The following LMF1 variants were observed in gnomAD, a reference collection of about 807,000 sequenced individuals.
LMF1 encodes the protein transmembrane protein 112.
LMF1 carries 68 observed loss-of-function variants against 60.6 expected under a neutral mutation model. The ratio of observed to expected loss-of-function variants is 1.12; its 90% CI spans 0.92 to 1.37. The LOEUF (loss-of-function observed/expected upper bound fraction) is 1.37. LMF1 is among the 40% of genes most tolerant of loss of function. LMF1 has a pLI of 0.00. For missense variants in LMF1, 948 were observed against 767.2 expected, an observed-to-expected ratio of 1.24 and a Z score of -2.78; for synonymous variants, 418 against 324.7, an observed-to-expected ratio of 1.29 and a Z score of -3.09.
chr16:914,747 A>G (rs1483512333), intron 3 of LMF1, among the ~76,000 whole-genome samples: 83 of 81,076 alleles, frequency 1.0e-3, no homozygotes, highest in Non-Finnish European at 1.6e-3. Flanking sequence ...CCCCATGACT[A>G]TTGGTGACAC....
At chr16:895,107 C>CA (rs1432620701) in intron 4 of LMF1, among the ~76,000 whole-genome samples, 1 of 152,220 alleles carries the variant, frequency 6.6e-6, no homozygotes. Context: ...GCCACGGCGC[C>CA]AGTCGCGGTC....
chr16:938,582 C>T (rs1419999394), intron 2 of LMF1, among the ~76,000 whole-genome samples: 1 of 152,212 alleles, frequency 6.6e-6, no homozygotes, highest in Non-Finnish European at 1.5e-5. Context: ...CAAGAGGTGT[C>T]TTTGCAAACA....
chr16:974,347 C>G (rs1269532341), upstream of LMF1, among the ~76,000 whole-genome samples: 1 of 152,156 alleles, frequency 6.6e-6, no homozygotes, highest in African/African-American at 2.4e-5. Context: ...CCCTGAGCGC[C>G]TCACACCAAC....
intron 10 of LMF1, among the ~76,000 whole-genome samples, chr16:857,121 G>T (rs575521777): frequency 1.3e-5 from 2 of 152,244 alleles, no homozygotes; most frequent in Non-Finnish European, 2.9e-5. Flanking sequence ...GTCGCTGACC[G>T]GCGTCTGCGG....
upstream of LMF1, chr16:971,000 C>CCGGAGGCCCCGCCCATTCT (rs36202798): frequency 2.9e-3 from 4,096 of 1,422,944 alleles, 21 homozygotes; most frequent in East Asian, 7.3e-3. Flanking sequence ...GGGCGCACTC[C>CCGGAGGCCCCGCCCATTCT]CGGAGGCCCC....
At chr16:888,410 C>T (rs1172802738) in intron 5 of LMF1, among the ~76,000 whole-genome samples, 4 of 152,202 alleles carry the variant, frequency 2.6e-5, no homozygotes, top group Non-Finnish European at 4.4e-5. Flanking sequence ...TCCCTGTACT[C>T]CAGATCCAGT....
chr16:883,510 G>T (rs572942159), intron 5 of LMF1, among the ~76,000 whole-genome samples: 2 of 152,318 alleles, frequency 1.3e-5, no homozygotes, highest in South Asian at 4.1e-4. Context: ...TGATGTTACT[G>T]GGAAAACCCC....
At chr16:976,262 T>A (rs2073140056) in intron 1 of LMF1, 1 of 447,072 alleles carries the variant, frequency 2.2e-6, no homozygotes, top group Non-Finnish European at 4.5e-6. Flanking sequence ...GGGGCTGGGG[T>A]CCCTGGATCT....
chr16:928,255 C>G (rs2071669098), intron 3 of LMF1, among the ~76,000 whole-genome samples: 1 of 152,190 alleles, frequency 6.6e-6, no homozygotes, highest in Admixed American at 6.5e-5. Context: ...CCAGTGAGAC[C>G]CAGGCCACCT....
chr16:967,466 G>T (rs879493127), intron 1 of LMF1, among the ~76,000 whole-genome samples: 1 of 152,222 alleles, frequency 6.6e-6, no homozygotes, highest in Admixed American at 6.5e-5. Flanking sequence ...ACAGACAGCA[G>T]CAGGCCTGAC....
chr16:862,779 G>A (rs2069501624), intron 10 of LMF1, among the ~76,000 whole-genome samples: 2 of 152,154 alleles, frequency 1.3e-5, no homozygotes, highest in Admixed American at 1.3e-4. Flanking sequence ...GATAATTTGA[G>A]CTGAGGAGGT....
intron 10 of LMF1, among the ~76,000 whole-genome samples, chr16:856,233 C>T (rs2069180962): frequency 6.6e-6 from 1 of 152,058 alleles, no homozygotes; most frequent in African/African-American, 2.4e-5. Flanking sequence ...GGGCCTGAGG[C>T]TGCCATGGTT....
intron 1 of LMF1, chr16:980,197 C>G: frequency 5.2e-6 from 1 of 192,542 alleles, no homozygotes; most frequent in Non-Finnish European, 1.1e-5. Flanking sequence ...GAGGCCAATG[C>G]TTCCTCCAAA....
chr16:973,878 C>T (rs111506191), upstream of LMF1, among the ~76,000 whole-genome samples: 780 of 152,070 alleles, frequency 5.1e-3, 13 homozygotes, highest in African/African-American at 0.017. Context: ...GGCATGGTGG[C>T]GGGCGCCTGT....
At chr16:898,027 C>T (rs540992746) in intron 4 of LMF1, among the ~76,000 whole-genome samples, 14 of 152,352 alleles carry the variant, frequency 9.2e-5, no homozygotes, top group Middle Eastern at 3.4e-3. Flanking sequence ...GGAGGGGCCT[C>T]GCCTCTGGGC....
At chr16:865,715 C>T (rs1329182260) in intron 10 of LMF1, among the ~76,000 whole-genome samples, 1 of 152,158 alleles carries the variant, frequency 6.6e-6, no homozygotes, top group Non-Finnish European at 1.5e-5. Flanking sequence ...GTTCTTATTT[C>T]TCCAAGTACA....
intron 2 of LMF1, 162 bp from the exon 3 acceptor site, chr16:934,416 GC>G: frequency 1.2e-6 from 1 of 804,952 alleles, no homozygotes; most frequent in South Asian, 1.6e-5. Flanking sequence ...GGGAACAGGA[GC>G]CCCTCCCCAC....
At chr16:887,584 C>G (rs553986202) in intron 5 of LMF1, among the ~76,000 whole-genome samples, 1 of 152,206 alleles carries the variant, frequency 6.6e-6, no homozygotes, top group Non-Finnish European at 1.5e-5. Context: ...CCCTCAGCCA[C>G]TCCCACCCAC....
Position 856,663 on chromosome 16 carries a change from G to A in LMF1, c.1530-1957C>T, listed in dbSNP as rs1296195511. Among the ~76,000 whole-genome samples, 4 of 152,194 alleles carry A rather than the reference G, an allele frequency of 2.6e-5. No homozygotes were observed. In the East Asian group the frequency reaches 7.7e-4, roughly 29 times the overall value. On this transcript the variant is annotated intron_variant, in intron 10 of 10. Coordinates refer to ENST00000262301, the MANE Select transcript of LMF1 (RefSeq NM_022773.4). Reference sequence around the variant, plus strand: ...GGAACTGCAGTTTGGAAAGGGTTTTGGAAAGGGTCAGAACCCTCTGTGCCA... The same window carrying A: ...GGAACTGCAGTTTGGAAAGGGTTTTAGAAAGGGTCAGAACCCTCTGTGCCA...
Sources: gnomAD v4.1 joint callset for allele counts (sites outside exome capture counted in the v4.1 genomes callset) on GRCh38, gnomAD v4.1.1 for gene constraint, MANE v1.5 for transcripts, NCBI Gene and HGNC (gene_info 2026-07-23, HGNC 2026-07-21) for gene names.